PATZ1: variants seen among roughly 807,000 people sequenced by gnomAD.
PATZ1 encodes the protein POZ/BTB and AT hook containing zinc finger 1.
Under a neutral mutation model 46.2 loss-of-function variants are expected in PATZ1, and 9 were observed. The ratio of observed to expected loss-of-function variants is 0.19; its 90% CI spans 0.12 to 0.34. The LOEUF is 0.34. PATZ1 is among the 10% of genes least tolerant of loss of function. The pLI is 1.00. For synonymous variants in PATZ1, 426 were observed against 378.6 expected, an observed-to-expected ratio of 1.13 and a Z score of -1.45; for missense variants, 632 against 923.0, an observed-to-expected ratio of 0.68 and a Z score of 4.08.
In PATZ1 at chr22:31,326,822, TC is replaced by T; in HGVS notation, c.*68del. 1 of 1,382,846 alleles carries T rather than the reference TC, an allele frequency of 7.2e-7. No homozygotes were observed. Among genetic ancestry groups the T allele is most frequent in the Non-Finnish European group, 9.9e-7 (1 of 1,013,142 alleles). The allele number at this position is 1,382,846 out of a possible 1,614,324, so 85.7% of individuals were successfully genotyped here. A position where few individuals can be genotyped will look rare whatever the true frequency, so the allele number is the denominator to read the frequency against. On this transcript the variant is annotated 3_prime_UTR_variant, in exon 5 of 5. Transcript: ENST00000266269. ...TCAGCTACAGAACCCAAACATCACTTCCCTCCGCATTCACAGCATTTCCCAG... is the reference window on the plus strand; with the variant it reads ...TCAGCTACAGAACCCAAACATCACTTCCTCCGCATTCACAGCATTTCCCAG...
intron 2 of PATZ1, chr22:31,341,005 G>A (rs2049573425): frequency 9.3e-7 from 1 of 1,076,000 alleles, no homozygotes; most frequent in East Asian, 4.9e-5. Flanking sequence ...CACTCGTGGA[G>A]TGGGGAAAGG....
rs1385741596 is a variant in PATZ1, at chr22:31,345,492, G to A, written c.111C>T (p.Gly37=). 11 of 1,613,122 alleles carry A rather than the reference G, an allele frequency of 6.8e-6. No individual in the cohort carries two copies. Among genetic ancestry groups the A allele is most frequent in the Admixed American group, 3.3e-5 (2 of 59,996 alleles). ...LHNLNQQRKN[G]GRFCDVLLRV... is the part of the protein sequence containing the mutation. Reference sequence around the variant, plus strand: ...GCAAGAGCACGTCGCAGAAGCGCCCGCCGTTTTTGCGCTGCTGGTTCAGGT... The same window carrying A: ...GCAAGAGCACGTCGCAGAAGCGCCCACCGTTTTTGCGCTGCTGGTTCAGGT... The change falls in exon 1 of 5, where the codon GGC becomes GGT. Residue 37 remains glycine, a synonymous_variant. Coordinates refer to ENST00000266269, the MANE Select transcript of PATZ1 (RefSeq NM_014323.3). This position sits in a 1 kb window ranked among gnomAD's most constrained non-coding sequence, Gnocchi z 7.4.
intron 2 of PATZ1, chr22:31,341,024 G>C: frequency 9.3e-7 from 1 of 1,079,138 alleles, no homozygotes; most frequent in Non-Finnish European, 1.1e-6. Context: ...GGGGTGGCCA[G>C]GCCCCAGTCT....
chr22:31,332,025 C>T (rs540903269), intron 3 of PATZ1, among the ~76,000 whole-genome samples: 4 of 152,100 alleles, frequency 2.6e-5, no homozygotes, highest in Non-Finnish European at 5.9e-5. Flanking sequence ...GAAGGAGAAT[C>T]GCTTGAACCA....
Position 31,325,942 on chromosome 22 carries a change from C to G in PATZ1, c.*949G>C, listed in dbSNP as rs2049366839. 4.6e-6 allele frequency: 1 copy of G among 215,820 alleles called. No individual in the cohort carries two copies. Among genetic ancestry groups the G allele is most frequent in the East Asian group, 6.8e-5 (1 of 14,610 alleles). 13.4% of individuals were successfully genotyped at this position (215,820 alleles called of 1,614,324 possible). On this transcript the variant is annotated 3_prime_UTR_variant, in exon 5 of 5. Coordinates refer to ENST00000266269, the MANE Select transcript of PATZ1 (RefSeq NM_014323.3). ...CCGGCTGTCCCACCTTCCTGGTTCC[C>G]AACAGCATTGAAACCCCCTACTTCC...
intron 3 of PATZ1, 91 bp from the exon 4 acceptor site, chr22:31,329,015 G>C: frequency 7.3e-7 from 1 of 1,372,038 alleles, no homozygotes; most frequent in South Asian, 1.4e-5. Flanking sequence ...GCTCTGGCTA[G>C]CATTCCCAGG....
rs1211212469 is a variant in PATZ1, at chr22:31,346,174, T to G, written c.-572A>C. ...GGCGGCGGGGCGCGCACGGGGGCGG[T>G]GGCGCGGGCCGGGTCCCGGAGCCTG... is the stretch of plus-strand genomic sequence containing the variant. On this transcript the variant is annotated 5_prime_UTR_variant, in exon 1 of 5. Coordinates refer to ENST00000266269, the MANE Select transcript of PATZ1 (RefSeq NM_014323.3). The G allele has an allele frequency of 7.1e-6, 1 of 141,202 alleles. No homozygotes were observed. Among genetic ancestry groups the G allele is most frequent in the African/African-American group, 2.6e-5 (1 of 38,454 alleles). 8.7% of individuals were successfully genotyped at this position (141,202 alleles called of 1,614,324 possible).
At position 31,327,522 on chromosome 22, in the gene PATZ1, C is replaced by T. The variant is rs2049383023; in HGVS notation, c.1646-213G>A. On this transcript the variant is annotated intron_variant, in intron 4 of 4. Coordinates refer to ENST00000266269, the MANE Select transcript of PATZ1 (RefSeq NM_014323.3). The surrounding 1 kb of genome is among the most constrained non-coding windows in gnomAD (Gnocchi z 4.2). The stretch of plus-strand genomic sequence containing the variant: ...GCAGGGCCCTAGGGCTGCCAGCCTC[C>T]CTTGCTGTGGACTCTTCATGCAGCT... 6.6e-6 allele frequency among the ~76,000 whole-genome samples: 1 copy of T among 152,126 alleles called. No homozygotes were observed.
chr22:31,328,621 GA>G lies in PATZ1; in HGVS notation c.1645+165del, dbSNP rs2049396492. 6.6e-6 allele frequency among the ~76,000 whole-genome samples: 1 copy of G among 152,172 alleles called. No individual in the cohort carries two copies. The highest frequency in any genetic ancestry group is 6.5e-5 in the Admixed American group (1 of 15,274). ...AGCCTCACTCACTGCCCTGGAGTGAGATACCCACTGTGACTTTTGTCCTGGA... is the reference window on the plus strand; with the variant it reads ...AGCCTCACTCACTGCCCTGGAGTGAGTACCCACTGTGACTTTTGTCCTGGA... On this transcript the variant is annotated intron_variant, in intron 4 of 4. Coordinates refer to ENST00000266269, the MANE Select transcript of PATZ1 (RefSeq NM_014323.3). The surrounding 1 kb of genome is among the most constrained non-coding windows in gnomAD (Gnocchi z 4.8).
At chr22:31,340,215 G>A (rs1379436191) in intron 2 of PATZ1, among the ~76,000 whole-genome samples, 3 of 152,218 alleles carry the variant, frequency 2.0e-5, no homozygotes, top group African/African-American at 7.2e-5. Flanking sequence ...AAAGAGACAT[G>A]CCACTGTCAA....
chr22:31,337,616 C>T (rs958870213), intron 2 of PATZ1: 1 of 152,182 alleles, frequency 6.6e-6, no homozygotes, highest in African/African-American at 2.4e-5. Flanking sequence ...TTCATGGGTT[C>T]TAGTCAATTT....
In PATZ1 at chr22:31,344,212, C is replaced by T. The variant is rs2049619229; in HGVS notation, c.1271+120G>A. ...GCCCTTAAAAACACTCTACCCAAAC[C>T]TGGCATGGTTCTATAAGGTCAAATG... On this transcript the variant is annotated intron_variant, in intron 1 of 4. Transcript: ENST00000266269. 34 of 894,682 alleles carry T rather than the reference C, an allele frequency of 3.8e-5. 1 individual carries two copies. In the South Asian group the frequency reaches 5.5e-4, roughly 14 times the overall value. The allele number at this position is 894,682 out of a possible 1,614,324, so 55.4% of individuals were successfully genotyped here. A position where few individuals can be genotyped will look rare whatever the true frequency, so the allele number is the denominator to read the frequency against.
In PATZ1 at chr22:31,344,732, T is replaced by G; in HGVS notation, c.871A>C (p.Ile291Leu). The G allele has an allele frequency of 2.5e-6, 4 of 1,610,922 alleles. No homozygotes were observed. The highest frequency in any genetic ancestry group is 3.4e-6 in the Non-Finnish European group (4 of 1,177,926). ...GSPGGLREAG[I>L]LPCGLCGKVF... ...TTACCACATAGACCGCATGGAAGGA[T>G]GCCTGCCTCCCTCAGGCCCCCTGGG... is the stretch of plus-strand genomic sequence containing the variant. Residue 291 changes from isoleucine to leucine, a missense_variant, in exon 1 of 5, where the codon ATC becomes CTC. By Grantham distance (5) the Ile-to-Leu change is conservative. This residue lies in a region of PATZ1 where 279 missense variants were observed against 284.3 expected (regional missense o/e 0.98). Transcript: ENST00000266269.
Position 31,345,098 on chromosome 22 carries a change from G to C in PATZ1, c.505C>G (p.Arg169Gly). The C allele has an allele frequency of 6.2e-7, 1 of 1,614,196 alleles. No homozygotes were observed. Among genetic ancestry groups the C allele is most frequent in the Admixed American group, 1.7e-5 (1 of 60,026 alleles). The change falls in exon 1 of 5, where the codon CGC (arginine) becomes GGC (glycine). Residue 169 changes from arginine (R) to glycine (G), a missense_variant. Coordinates refer to ENST00000266269, the MANE Select transcript of PATZ1 (RefSeq NM_014323.3). The surrounding 1 kb of genome is among the most constrained non-coding windows in gnomAD (Gnocchi z 7.4). ...GGGCGAAAGAGCATTATATCGGCGCGGGCAGGGGGTACCAGGATCTGTACG... is the reference window on the plus strand; with the variant it reads ...GGGCGAAAGAGCATTATATCGGCGCCGGCAGGGGGTACCAGGATCTGTACG... ...SNVQILVPPA[R>G]ADIMLFRPPG... is the part of the protein sequence containing the mutation.
At chr22:31,339,239 G>A (rs902050148) in intron 2 of PATZ1, among the ~76,000 whole-genome samples, 3 of 152,134 alleles carry the variant, frequency 2.0e-5, no homozygotes, top group African/African-American at 4.8e-5. Flanking sequence ...GCTAACTTTC[G>A]CCTGAGCAAA....
chr22:31,335,939 A>C, intron 2 of PATZ1, 76 bp from the exon 3 acceptor site: 1 of 1,402,014 alleles, frequency 7.1e-7, no homozygotes, highest in Non-Finnish European at 9.9e-7. Context: ...TGCACCATGA[A>C]GCAAAGGCAA....
At chr22:31,343,006 C>G (rs766640172) in intron 1 of PATZ1, 46 bp from the exon 2 acceptor site, 1 of 1,612,584 alleles carries the variant, frequency 6.2e-7, no homozygotes, top group Admixed American at 1.7e-5. Flanking sequence ...TTGGCCAGAC[C>G]CCACCACACA....
chr22:31,329,028 A>T (rs1386965244), intron 3 of PATZ1, 104 bp from the exon 4 acceptor site: 2 of 1,264,984 alleles, frequency 1.6e-6, no homozygotes, highest in East Asian at 5.0e-5. Flanking sequence ...TTCCCAGGTC[A>T]GCTGCACCTA....
chr22:31,330,974 A>T (rs572400974), intron 3 of PATZ1, among the ~76,000 whole-genome samples: 3 of 152,316 alleles, frequency 2.0e-5, no homozygotes, highest in African/African-American at 7.2e-5. Flanking sequence ...GAAATGTGGG[A>T]TTGGGCCAAT....
Sources: allele counts gnomAD v4.1 joint callset (sites outside exome capture counted in the v4.1 genomes callset), GRCh38; gene constraint gnomAD v4.1.1; regional missense constraint gnomAD v4.1.1; non-coding constraint Gnocchi (gnomAD v3.1); transcripts MANE v1.5; gene names NCBI Gene and HGNC (gene_info 2026-07-23, HGNC 2026-07-21).